XPC: variants seen among roughly 807,000 people sequenced by gnomAD.
XPC encodes the protein XPC complex subunit, DNA damage recognition and repair factor.
Under a neutral mutation model 95.8 loss-of-function variants are expected in XPC, and 76 were observed. The ratio of observed to expected loss-of-function variants is 0.79; its 90% CI spans 0.66 to 0.96. The LOEUF is 0.96. XPC is among the 40% of genes least tolerant of loss of function. The pLI is 0.00. For synonymous variants in XPC, 442 were observed against 442.1 expected, an observed-to-expected ratio of 1.00 and a Z score of 0.00; for missense variants, 1,146 against 1,179.8, an observed-to-expected ratio of 0.97 and a Z score of 0.42.
chr3:14,159,675 A>G (rs1696086539), intron 8 of XPC, 66 bp downstream of exon 8: 3 of 1,436,094 alleles, frequency 2.1e-6, no homozygotes, highest in African/African-American at 1.4e-5. Context: ...AATAATGATC[A>G]ATTTTTTTAA....
chr3:14,159,712 C>T, intron 8 of XPC, 29 bp downstream of exon 8: 8 of 1,543,240 alleles, frequency 5.2e-6, no homozygotes, highest in Non-Finnish European at 7.0e-6. Context: ...TCAATTGCTC[C>T]TCTTCTCTGG....
intron 15 of XPC, 133 bp downstream of exon 15, chr3:14,147,157 G>A: frequency 1.1e-6 from 1 of 934,446 alleles, no homozygotes; most frequent in Non-Finnish European, 1.6e-6. Context: ...CTTAGAGACA[G>A]AAGACTGAGG....
In XPC at chr3:14,167,147, C is replaced by T. The variant is rs75305688; in HGVS notation, c.621+22G>A. On this transcript the variant is annotated intron_variant, in intron 5 of 15. Coordinates refer to ENST00000285021, the MANE Select transcript of XPC (RefSeq NM_004628.5). ...TTTGCACCGACAAGGAAAAGTCCTT[C>T]CCCATCATTCCTTGCCCTTACCTTG... The T allele has an allele frequency of 0.019, 30,116 of 1,548,868 alleles. 398 individuals carry two copies. The highest frequency in any genetic ancestry group is 0.022 in the Non-Finnish European group (24,692 of 1,142,770).
At chr3:14,162,730 A>T (rs1574966888) in intron 7 of XPC, among the ~76,000 whole-genome samples, 1 of 152,344 alleles carries the variant, frequency 6.6e-6, no homozygotes, top group Non-Finnish European at 1.5e-5. Context: ...TAGATACGAC[A>T]CCAAAAGCAA....
At chr3:14,168,455 G>A (rs1310890070) in intron 3 of XPC, 75 bp from the exon 4 acceptor site, 10 of 1,564,804 alleles carry the variant, frequency 6.4e-6, no homozygotes, top group Admixed American at 5.4e-5. Flanking sequence ...CAGAATCAAG[G>A]TTCTGCTGGG....
At chr3:14,152,482 G>T in intron 10 of XPC, 66 bp from the exon 11 acceptor site, 2 of 1,484,586 alleles carry the variant, frequency 1.3e-6, no homozygotes, top group Non-Finnish European at 1.8e-6. Flanking sequence ...ATGCGGGACA[G>T]TGGAGAGCGC....
In XPC at chr3:14,158,649, C is replaced by T; in HGVS notation, c.1234G>A (p.Ala412Thr). 2 of 1,613,892 alleles carry T rather than the reference C, an allele frequency of 1.2e-6. No individual in the cohort carries two copies. The highest frequency in any genetic ancestry group is 1.7e-6 in the Non-Finnish European group (2 of 1,179,868). Reference sequence around the variant, plus strand: ...CGGCCATGCGGACGTCGCTGGGTTGCCTTCTCCTGCTTGTCTCCTGGGCCC... The same window carrying T: ...CGGCCATGCGGACGTCGCTGGGTTGTCTTCTCCTGCTTGTCTCCTGGGCCC... ...DEGPGDKQEK[A>T]TQRRPHGRER... Residue 412 changes from alanine (A) to threonine (T), a missense_variant, in exon 9 of 16, where the codon GCA (alanine) becomes ACA (threonine). Transcript: ENST00000285021. The surrounding 1 kb of genome is among the most constrained non-coding windows in gnomAD (Gnocchi z 5.2).
intron 1 of XPC, among the ~76,000 whole-genome samples, chr3:14,174,713 C>T (rs758480556): frequency 2.0e-5 from 3 of 152,052 alleles, no homozygotes; most frequent in African/African-American, 4.8e-5. Context: ...TAAAGAAAAA[C>T]GATATATGAT....
At chr3:14,160,036 C>A (rs1696107101) in intron 7 of XPC, 4 of 511,472 alleles carry the variant, frequency 7.8e-6, no homozygotes, top group Admixed American at 3.9e-5. Context: ...ACATGCTCAT[C>A]ATATATTAAA....
Position 14,148,651 on chromosome 3 carries a change from G to T in XPC, c.2331C>A (p.Pro777=), listed in dbSNP as rs769819782. The T allele has an allele frequency of 4.7e-5, 76 of 1,612,228 alleles. No individual in the cohort carries two copies. Among genetic ancestry groups the T allele is most frequent in the Non-Finnish European group, 5.9e-5 (70 of 1,179,336 alleles). Residue 777 remains proline (P), a synonymous_variant, in exon 13 of 16, where the codon CCC becomes CCA. Transcript: ENST00000285021. ...GCTTGCGGGCCACGCGGTGTAGATT[G>T]GGCAGGTTCAGCTGGACACAGCCAA... ...MPIGCVQLNL[P]NLHRVARKLD... is the part of the protein sequence containing the mutation.
At position 14,156,471 on chromosome 3, in the gene XPC, G is replaced by T. The variant is rs749104732; in HGVS notation, c.1897C>A (p.Pro633Thr). 4 of 1,613,908 alleles carry T rather than the reference G, an allele frequency of 2.5e-6. No homozygotes were observed. The African/African-American group carries it at 4.0e-5, about 16-fold the overall frequency. ...LEFQAKHMDQ[P>T]LPTAIGLYKN... ...TATAAGCCAATGGCAGTGGGCAAAG[G>T]CTGGTCCATGTGTTTAGCCTGAAAC... is the stretch of plus-strand genomic sequence containing the variant. The change falls in exon 10 of 16, where the codon CCT (proline) becomes ACT (threonine). Residue 633 changes from proline (P) to threonine (T), a missense_variant. Pro to Thr is a conservative substitution (Grantham distance 38). Coordinates refer to ENST00000285021, the MANE Select transcript of XPC (RefSeq NM_004628.5).
intron 5 of XPC, among the ~76,000 whole-genome samples, chr3:14,166,926 CTTTATTT>C (rs1341300041): frequency 1.3e-5 from 2 of 152,208 alleles, no homozygotes; most frequent in Non-Finnish European, 2.9e-5. Flanking sequence ...GGCAAGTGCT[CTTTATTT>C]AGCCTCTGCT....
At chr3:14,147,258 G>T in intron 15 of XPC, 32 bp downstream of exon 15, 1 of 1,585,364 alleles carries the variant, frequency 6.3e-7, no homozygotes, top group Non-Finnish European at 8.6e-7. Flanking sequence ...CTGACCCTGA[G>T]CTTGTCTTCT....
chr3:14,165,458 T>A lies in XPC; in HGVS notation c.749A>T (p.Asp250Val). The stretch of plus-strand genomic sequence containing the variant: ...CACCAGGTTTGAGAGGTAGTAGGTG[T>A]CCACATCTCGAGGCAGCACTCTGGT... ...RFTRVLPRDV[D>V]TYYLSNLVKW... Residue 250 changes from aspartate (D) to valine (V), a missense_variant, in exon 6 of 16, where the codon GAC becomes GTC. By Grantham distance (152) the Asp-to-Val change is radical. Transcript: ENST00000285021. 1 of 1,600,348 alleles carries A rather than the reference T, an allele frequency of 6.2e-7. No homozygotes were observed. The highest frequency in any genetic ancestry group is 8.5e-7 in the Non-Finnish European group (1 of 1,173,328).
At chr3:14,146,736 G>A (rs145711542) in intron 15 of XPC, among the ~76,000 whole-genome samples, 16 of 152,320 alleles carry the variant, frequency 1.1e-4, no homozygotes, top group African/African-American at 3.8e-4. Context: ...TGGAGAGAGG[G>A]AACAAAACAT....
In XPC at chr3:14,155,440, C is replaced by T. The variant is rs150092086; in HGVS notation, c.2033+895G>A. 6.7e-3 allele frequency among the ~76,000 whole-genome samples: 1,021 copies of T among 152,142 alleles called. 17 individuals are homozygous for T. Among genetic ancestry groups the T allele is most frequent in the African/African-American group, 0.024 (986 of 41,524 alleles). ...TTTTCTTACCTCAAAATTGTATTAA[C>T]ATTTTTCAATTTTAATTTTATATAT... is the stretch of plus-strand genomic sequence containing the variant. On this transcript the variant is annotated intron_variant, in intron 10 of 15. Transcript: ENST00000285021.
At chr3:14,172,014 A>G (rs1696635776) in intron 2 of XPC, among the ~76,000 whole-genome samples, 1 of 152,118 alleles carries the variant, frequency 6.6e-6, no homozygotes, top group Non-Finnish European at 1.5e-5. Context: ...GGATTTGTTT[A>G]TGAAGCAAAT....
At chr3:14,156,222 C>T (rs778959819) in intron 10 of XPC, 113 bp downstream of exon 10, 21 of 1,369,390 alleles carry the variant, frequency 1.5e-5, no homozygotes, top group Middle Eastern at 2.6e-4. Context: ...TGGCTCAGCC[C>T]GAGAATGCTG....
At chr3:14,147,569 C>CA in intron 14 of XPC, 190 bp from the exon 15 acceptor site, 1 of 636,116 alleles carries the variant, frequency 1.6e-6, no homozygotes, top group Non-Finnish European at 2.7e-6. Flanking sequence ...CTGAAAGCCA[C>CA]AAAAACAGAT....
Sources: gnomAD v4.1 joint callset for allele counts (sites outside exome capture counted in the v4.1 genomes callset) on GRCh38, gnomAD v4.1.1 for gene constraint, Gnocchi (gnomAD v3.1) non-coding constraint, MANE v1.5 for transcripts, NCBI Gene and HGNC (gene_info 2026-07-23, HGNC 2026-07-21) for gene names.